Variants in SLC35F4 observed in about 807,000 individuals in gnomAD.
SLC35F4 encodes the protein solute carrier family 35 member F4, also known as chromosome 14 open reading frame 36.
In SLC35F4, 24 loss-of-function variants were observed where a neutral mutation model predicts 44.2. The ratio of observed to expected loss-of-function variants is 0.54; its 90% confidence interval spans 0.39 to 0.76. The LOEUF (loss-of-function observed/expected upper bound fraction) is 0.76. SLC35F4 is among the 30% of genes least tolerant of loss of function. The pLI, the probability that SLC35F4 is intolerant of heterozygous loss-of-function variation, is 0.00. For missense variants in SLC35F4, 562 were observed against 586.1 expected (o/e 0.96, Z 0.42); for synonymous variants, 238 against 223.6 (o/e 1.06, Z -0.57).
intron 1 of SLC35F4, among the ~76,000 whole-genome samples, chr14:57,914,570 GA>G (rs57769066): frequency 0.02 from 2,779 of 140,048 alleles, 90 homozygotes; most frequent in African/African-American, 0.061. Flanking sequence ...CTCATAAAAA[GA>G]AAAAAAAAAA....
intron 1 of SLC35F4, among the ~76,000 whole-genome samples, chr14:57,715,644 T>C (rs1274508447): frequency 6.6e-6 from 1 of 152,196 alleles, no homozygotes; most frequent in Non-Finnish European, 1.5e-5. Flanking sequence ...CCAGGAACTA[T>C]GGAGCTAACT....
intron 1 of SLC35F4, among the ~76,000 whole-genome samples, chr14:57,624,775 C>G (rs1217392494): frequency 6.6e-6 from 1 of 152,168 alleles, no homozygotes; most frequent in Admixed American, 6.6e-5. Context: ...TAAAAACTCT[C>G]AATAAACTAG....
chr14:57,634,755 T>C (rs568049738), intron 1 of SLC35F4, among the ~76,000 whole-genome samples: 1 of 152,212 alleles, frequency 6.6e-6, no homozygotes, highest in South Asian at 2.1e-4. Context: ...AAAAGATCAC[T>C]GTGGTAACTG....
In SLC35F4 at chr14:57,581,479, C is replaced by T. The variant is rs755835927; in HGVS notation, c.588-46G>A. 68 of 1,521,036 alleles carry T rather than the reference C, an allele frequency of 4.5e-5. 1 individual carries two copies. The highest frequency in any genetic ancestry group is 2.8e-5 in the Non-Finnish European group (31 of 1,120,874). 94.2% of individuals were successfully genotyped at this position (1,521,036 alleles called of 1,614,324 possible). On this transcript the variant is annotated intron_variant, in intron 3 of 7. Transcript: ENST00000556826. The stretch of plus-strand genomic sequence containing the variant: ...TAATATCCAGGTACTGATGGTGACA[C>T]CTCTTGTCTTATCTGACTCATCGCA...
At chr14:57,745,117 A>T (rs1045938518) in intron 1 of SLC35F4, among the ~76,000 whole-genome samples, 15 of 152,234 alleles carry the variant, frequency 9.9e-5, no homozygotes, top group South Asian at 2.1e-4. Flanking sequence ...TTAGACCTAA[A>T]ACCATAAAAA....
At chr14:57,877,089 C>T (rs1405210773) in intron 1 of SLC35F4, among the ~76,000 whole-genome samples, 2 of 151,882 alleles carry the variant, frequency 1.3e-5, no homozygotes, top group Non-Finnish European at 2.9e-5. Flanking sequence ...GTTCACGGTA[C>T]AGATAATTGT....
chr14:57,762,683 G>A (rs947825579), intron 1 of SLC35F4, among the ~76,000 whole-genome samples: 1 of 152,088 alleles, frequency 6.6e-6, no homozygotes, highest in Non-Finnish European at 1.5e-5. Flanking sequence ...AGTTATCATG[G>A]GAGTGGGTTC....
At chr14:57,739,246 T>C (rs1429691545) in intron 1 of SLC35F4, among the ~76,000 whole-genome samples, 1 of 152,126 alleles carries the variant, frequency 6.6e-6, no homozygotes, top group African/African-American at 2.4e-5. Flanking sequence ...CATGAAACAT[T>C]TCACCACCAT....
intron 1 of SLC35F4, among the ~76,000 whole-genome samples, chr14:57,901,132 G>A (rs570314743): frequency 6.6e-6 from 1 of 152,238 alleles, no homozygotes; most frequent in Non-Finnish European, 1.5e-5. Context: ...AAGACCTAGA[G>A]GCAGAAATAC....
At chr14:57,734,517 C>T (rs1415282762) in intron 1 of SLC35F4, among the ~76,000 whole-genome samples, 1 of 152,062 alleles carries the variant, frequency 6.6e-6, no homozygotes, top group Admixed American at 6.6e-5. Context: ...CAGAGTTTTC[C>T]CCATGGCTAG....
chr14:57,696,672 C>T (rs1168386112), intron 1 of SLC35F4, among the ~76,000 whole-genome samples: 2 of 152,138 alleles, frequency 1.3e-5, no homozygotes, highest in African/African-American at 2.4e-5. Flanking sequence ...AACTCAAATG[C>T]CCATCAATGA....
intron 1 of SLC35F4, among the ~76,000 whole-genome samples, chr14:57,882,097 G>A (rs987994476): frequency 1.3e-5 from 2 of 152,034 alleles, no homozygotes; most frequent in African/African-American, 4.8e-5. Flanking sequence ...AATGGGAGTG[G>A]TACCCTCCCT....
At chr14:57,926,447 C>A (rs1889570466) in intron 1 of SLC35F4, among the ~76,000 whole-genome samples, 2 of 152,146 alleles carry the variant, frequency 1.3e-5, no homozygotes. Context: ...AGACTTTTCC[C>A]ACTTCCAACT....
At chr14:57,693,530 T>C (rs1410916082) in intron 1 of SLC35F4, among the ~76,000 whole-genome samples, 2 of 152,214 alleles carry the variant, frequency 1.3e-5, no homozygotes, top group East Asian at 1.9e-4. Context: ...TGCAGATAAC[T>C]AGCCAGAGCC....
intron 1 of SLC35F4, among the ~76,000 whole-genome samples, chr14:57,963,573 C>A (rs1364035338): frequency 6.6e-6 from 1 of 152,096 alleles, no homozygotes; most frequent in Non-Finnish European, 1.5e-5. Context: ...TTCGTGGAGT[C>A]GGTCAGCCTA....
chr14:57,865,152 G>C (rs1368519127), intron 1 of SLC35F4, among the ~76,000 whole-genome samples: 1 of 151,228 alleles, frequency 6.6e-6, no homozygotes, highest in Non-Finnish European at 1.5e-5. Flanking sequence ...TCTTCCCAGG[G>C]TGAAGAACCT....
chr14:57,702,090 C>T (rs185874168), intron 1 of SLC35F4, among the ~76,000 whole-genome samples: 27 of 152,264 alleles, frequency 1.8e-4, no homozygotes, highest in Admixed American at 1.2e-3. Context: ...CACAAAGTTA[C>T]AGGAAAACAA....
chr14:57,662,871 T>C (rs922980928), intron 1 of SLC35F4, among the ~76,000 whole-genome samples: 3 of 152,136 alleles, frequency 2.0e-5, no homozygotes, highest in African/African-American at 7.2e-5. Context: ...CTGGTTGGGA[T>C]TGGCCATTGT....
At chr14:57,723,066 C>G (rs2076122400) in intron 1 of SLC35F4, among the ~76,000 whole-genome samples, 1 of 152,184 alleles carries the variant, frequency 6.6e-6, no homozygotes, top group African/African-American at 2.4e-5. Context: ...CTACTGGACA[C>G]TGGCTCTGAG....
Sources: gnomAD v4.1 joint callset for allele counts (sites outside exome capture counted in the v4.1 genomes callset) on GRCh38, gnomAD v4.1.1 for gene constraint, MANE v1.5 for transcripts, NCBI Gene and HGNC (gene_info 2026-07-23, HGNC 2026-07-21) for gene names.